The following P3H2 variants were observed in gnomAD, a reference collection of about 807,000 sequenced individuals.
P3H2 encodes the protein leprecan-like 1.
A neutral mutation model predicts 87.0 loss-of-function variants in P3H2; 80 were observed. The ratio of observed to expected loss-of-function variants is 0.92; its 90% CI spans 0.77 to 1.11. P3H2 has a LOEUF of 1.11. P3H2 is among the 50% of genes least tolerant of loss of function. P3H2 has a pLI of 0.00. For missense variants in P3H2, 1,001 were observed against 923.9 expected (o/e 1.08, Z -1.08); for synonymous variants, 367 against 359.3 (o/e 1.02, Z -0.24).
At chr3:190,081,781 T>G (rs756119801) in intron 1 of P3H2, among the ~76,000 whole-genome samples, 2 of 152,166 alleles carry the variant, frequency 1.3e-5, no homozygotes, top group African/African-American at 4.8e-5. Context: ...AGTTATAATA[T>G]GAAATGCAGA....
chr3:190,027,778 T>G (rs1725127873), intron 1 of P3H2, among the ~76,000 whole-genome samples: 1 of 152,080 alleles, frequency 6.6e-6, no homozygotes, highest in Admixed American at 6.6e-5. Context: ...TTCCCTCTGC[T>G]GCTCTTCCCA....
intron 1 of P3H2, among the ~76,000 whole-genome samples, chr3:190,104,474 T>G (rs929703337): frequency 1.3e-5 from 2 of 152,124 alleles, no homozygotes; most frequent in African/African-American, 4.8e-5. Flanking sequence ...TATTATAAAA[T>G]ATTTAATATT....
At chr3:189,974,269 T>C in intron 9 of P3H2, 2 of 590,714 alleles carry the variant, frequency 3.4e-6, no homozygotes, top group Non-Finnish European at 3.0e-6. Flanking sequence ...TAATAATTAA[T>C]TAAAATAAAA....
At position 189,995,344 on chromosome 3, in the gene P3H2, C is replaced by T. The variant is rs377052077; in HGVS notation, c.579G>A (p.Ala193=). The part of the protein sequence containing the change: ...EMQQNIENYR[A]TAGVEALQLV... Reference sequence around the variant, plus strand: ...ACTGCAATGCTTCAACACCAGCTGTCGCCCTGTAATTCTCAATGTTCTGCT... The same window carrying T: ...ACTGCAATGCTTCAACACCAGCTGTTGCCCTGTAATTCTCAATGTTCTGCT... Residue 193 remains alanine, a synonymous_variant, in exon 2 of 15, where the codon GCG becomes GCA. Transcript: ENST00000319332. 41 of 1,613,918 alleles carry T rather than the reference C, an allele frequency of 2.5e-5. 1 individual carries two copies. In the African/African-American group the frequency reaches 2.9e-4, roughly 12 times the overall value.
Position 189,974,569 on chromosome 3 carries a change from T to C in P3H2, c.1441A>G (p.Ser481Gly). The stretch of plus-strand genomic sequence containing the variant: ...CTCCGGATCCTCACACTGGCCACGC[T>C]GTGGAGCTCCCGGCACTGTTCTTCC... ...LSEEQCRELH[S>G]VASGIMLVGD... is the part of the protein sequence containing the mutation. Residue 481 changes from serine (S) to glycine (G), a missense_variant, in exon 9 of 15, where the codon AGC becomes GGC. Ser to Gly is a moderately conservative substitution (Grantham distance 56). Coordinates refer to ENST00000319332, the MANE Select transcript of P3H2 (RefSeq NM_018192.4). The C allele has an allele frequency of 6.2e-7, 1 of 1,613,852 alleles. No homozygotes were observed. The highest frequency in any genetic ancestry group is 8.5e-7 in the Non-Finnish European group (1 of 1,180,008).
At chr3:190,037,108 A>T (rs1039607072) in intron 1 of P3H2, among the ~76,000 whole-genome samples, 12 of 152,134 alleles carry the variant, frequency 7.9e-5, no homozygotes, top group African/African-American at 2.9e-4. Flanking sequence ...AGCTCATCTC[A>T]TTTGACACTT....
In P3H2 at chr3:189,994,295, C is replaced by T; in HGVS notation, c.634-12G>A. The T allele has an allele frequency of 6.4e-7, 1 of 1,566,144 alleles. No individual in the cohort carries two copies. Among genetic ancestry groups the T allele is most frequent in the Non-Finnish European group, 8.7e-7 (1 of 1,142,906 alleles). On this transcript the variant is annotated splice_polypyrimidine_tract_variant and intron_variant, in intron 2 of 14. Coordinates refer to ENST00000319332, the MANE Select transcript of P3H2 (RefSeq NM_018192.4). ...GCATTGTAACTCTCCTGTAATGAAA[C>T]AGACGGGAAAAAACAAACAAACAAA...
At chr3:190,070,116 T>C (rs918692617) in intron 1 of P3H2, among the ~76,000 whole-genome samples, 6 of 152,018 alleles carry the variant, frequency 3.9e-5, no homozygotes, top group African/African-American at 1.4e-4. Flanking sequence ...AAAGGATAGT[T>C]CCAAGCATGA....
chr3:190,022,414 G>T (rs1470375093), intron 1 of P3H2, among the ~76,000 whole-genome samples: 1 of 135,222 alleles, frequency 7.4e-6, no homozygotes, highest in East Asian at 2.5e-4. Context: ...TAAACCCATG[G>T]TAACTAATGC....
chr3:189,995,503 A>G, intron 1 of P3H2, 61 bp from the exon 2 acceptor site: 1 of 1,558,706 alleles, frequency 6.4e-7, no homozygotes, highest in South Asian at 1.1e-5. Context: ...ACTCAGAGAA[A>G]TACAAAGATC....
intron 1 of P3H2, among the ~76,000 whole-genome samples, chr3:190,095,470 A>G (rs1727545802): frequency 6.7e-6 from 1 of 150,264 alleles, no homozygotes; most frequent in African/African-American, 2.4e-5. Flanking sequence ...CTCATCCAAA[A>G]GTTTACAAGG....
chr3:190,094,817 A>G (rs1255485927), intron 1 of P3H2, among the ~76,000 whole-genome samples: 4 of 152,254 alleles, frequency 2.6e-5, no homozygotes, highest in Admixed American at 6.5e-5. Context: ...TCACTAGAAG[A>G]CAAAAGAAAC....
chr3:190,047,263 G>A (rs1207756684), intron 1 of P3H2, among the ~76,000 whole-genome samples: 1 of 152,106 alleles, frequency 6.6e-6, no homozygotes, highest in South Asian at 2.1e-4. Context: ...ACCTGACAAT[G>A]ATGTTGGTAG....
chr3:190,093,074 G>C (rs1349388304), intron 1 of P3H2, among the ~76,000 whole-genome samples: 2 of 152,092 alleles, frequency 1.3e-5, no homozygotes, highest in South Asian at 2.1e-4. Context: ...ATAAAATCAT[G>C]AAAAGAATGA....
chr3:189,963,856 T>C lies in P3H2; in HGVS notation c.2034+102A>G, dbSNP rs982889310. The C allele has an allele frequency of 3.4e-6, 4 of 1,171,678 alleles. No individual in the cohort carries two copies. The African/African-American group carries it at 6.0e-5, about 18-fold the overall frequency. 72.6% of individuals were successfully genotyped at this position (1,171,678 alleles called of 1,614,324 possible). Reference sequence around the variant, plus strand: ...AACATATCTGATTAAGAACTGCCTTTACCCTCTTCTTTTCCTCAGACGAAG... The same window carrying C: ...AACATATCTGATTAAGAACTGCCTTCACCCTCTTCTTTTCCTCAGACGAAG... On this transcript the variant is annotated intron_variant, in intron 14 of 14. Coordinates refer to ENST00000319332, the MANE Select transcript of P3H2 (RefSeq NM_018192.4).
chr3:190,075,804 C>T (rs1726854429), intron 1 of P3H2, among the ~76,000 whole-genome samples: 4 of 152,092 alleles, frequency 2.6e-5, no homozygotes, highest in Admixed American at 2.6e-4. Context: ...ATCTTGAAAG[C>T]CTTGATTTTC....
chr3:190,011,846 T>C (rs1724599910), intron 1 of P3H2, among the ~76,000 whole-genome samples: 1 of 152,236 alleles, frequency 6.6e-6, no homozygotes, highest in African/African-American at 2.4e-5. Context: ...TATGACATTC[T>C]GGATAATATG....
chr3:190,024,067 G>C (rs762235914), intron 1 of P3H2, among the ~76,000 whole-genome samples: 1 of 152,176 alleles, frequency 6.6e-6, no homozygotes, highest in Non-Finnish European at 1.5e-5. Context: ...AGGACATGGT[G>C]CATGGTGCCC....
intron 8 of P3H2, among the ~76,000 whole-genome samples, chr3:189,977,071 T>A (rs1402728804): frequency 6.6e-6 from 1 of 152,108 alleles, no homozygotes; most frequent in Non-Finnish European, 1.5e-5. Context: ...ATTCTCTCCC[T>A]CCCCGACTCC....
Sources: gnomAD v4.1 joint callset for allele counts (sites outside exome capture counted in the v4.1 genomes callset) on GRCh38, gnomAD v4.1.1 for gene constraint, MANE v1.5 for transcripts, NCBI Gene and HGNC (gene_info 2026-07-23, HGNC 2026-07-21) for gene names.